The following POLK variants were observed in gnomAD, a reference collection of about 807,000 sequenced individuals.
POLK encodes DNA polymerase kappa.
A neutral mutation model predicts 94.0 loss-of-function variants in POLK; 76 were observed. The ratio of observed to expected loss-of-function variants is 0.81; its 90% CI spans 0.67 to 0.98. The LOEUF is 0.98. POLK is among the 50% of genes least tolerant of loss of function. POLK has a pLI of 0.00. For missense variants in POLK, 954 were observed against 1,010.1 expected (o/e 0.94, Z 0.75); for synonymous variants, 349 against 325.4 (o/e 1.07, Z -0.78).
At chr5:75,589,576 G>A (rs929415355) in intron 10 of POLK, among the ~76,000 whole-genome samples, 1 of 151,878 alleles carries the variant, frequency 6.6e-6, no homozygotes, top group Non-Finnish European at 1.5e-5. Context: ...TCAGCTTCCC[G>A]AGTAGCTGGG....
chr5:75,590,708 A>T (rs1053135936), intron 11 of POLK, among the ~76,000 whole-genome samples: 1 of 152,214 alleles, frequency 6.6e-6, no homozygotes, highest in African/African-American at 2.4e-5. Context: ...GTACCTCAGG[A>T]GTACATTTGA....
In POLK at chr5:75,534,672, A is replaced by G. The variant is rs549736281; in HGVS notation, c.-13-12338A>G. 5.9e-5 allele frequency among the ~76,000 whole-genome samples: 9 copies of G among 152,340 alleles called. No homozygotes were observed. In the South Asian group the frequency reaches 1.9e-3, roughly 32 times the overall value. On this transcript the variant is annotated intron_variant, in intron 1 of 14. Transcript: ENST00000241436. The stretch of plus-strand genomic sequence containing the variant: ...ATGCACTCCTATGTTGAGTGCATAT[A>G]TATTTAGAAAAGTTAGGTCCTTTTG...
At chr5:75,558,297 C>T (rs558030014) in intron 3 of POLK, among the ~76,000 whole-genome samples, 1 of 149,368 alleles carries the variant, frequency 6.7e-6, no homozygotes, top group East Asian at 2.0e-4. Context: ...ATGCCTATGT[C>T]TTCTTTTAGT....
intron 1 of POLK, among the ~76,000 whole-genome samples, chr5:75,527,731 A>G (rs1310593356): frequency 6.6e-6 from 1 of 152,146 alleles, no homozygotes; most frequent in Non-Finnish European, 1.5e-5. Context: ...TTGGAAAGAA[A>G]TAGATAACCA....
chr5:75,523,371 C>A (rs569591059), intron 1 of POLK, among the ~76,000 whole-genome samples: 1 of 152,212 alleles, frequency 6.6e-6, no homozygotes, highest in East Asian at 1.9e-4. Flanking sequence ...CATAGTAGAA[C>A]CATACTGTGT....
At chr5:75,526,792 G>T (rs1768883438) in intron 1 of POLK, among the ~76,000 whole-genome samples, 1 of 152,018 alleles carries the variant, frequency 6.6e-6, no homozygotes, top group Admixed American at 6.6e-5. Context: ...TGTTGGCCAG[G>T]CTGGTCTCGA....
At chr5:75,557,002 G>A (rs1193608410) in intron 3 of POLK, among the ~76,000 whole-genome samples, 1 of 152,142 alleles carries the variant, frequency 6.6e-6, no homozygotes, top group Non-Finnish European at 1.5e-5. Flanking sequence ...GGTGGAGGTG[G>A]CAGTGAGCTG....
At chr5:75,603,384 C>T (rs184657404), downstream of POLK, among the ~76,000 whole-genome samples, 10 of 148,968 alleles carry the variant, frequency 6.7e-5, no homozygotes, top group African/African-American at 2.5e-4. Context: ...GCATTTTTTA[C>T]AGATTAGCTA....
rs55817530 is a variant in POLK, at chr5:75,576,920, C to T, written c.681C>T (p.Ser227=). 1,402 of 1,552,372 alleles carry T rather than the reference C, an allele frequency of 9.0e-4. 10 individuals carry two copies. In the East Asian group the frequency reaches 0.02, roughly 22 times the overall value. ...GAAGGTATTTCATCAAAATGGGAAGCTCTGTAGAAAATGGTAAGCAACTTA... is the reference window on the plus strand; with the variant it reads ...GAAGGTATTTCATCAAAATGGGAAGTTCTGTAGAAAATGGTAAGCAACTTA... The change falls in exon 6 of 15, where the codon AGC becomes AGT. Residue 227 remains serine, a synonymous_variant. Coordinates refer to ENST00000241436, the Ensembl canonical transcript of POLK.
chr5:75,586,692 G>A (rs1454974212), intron 9 of POLK, among the ~76,000 whole-genome samples: 11 of 152,084 alleles, frequency 7.2e-5, no homozygotes. Context: ...ATTATATTTT[G>A]TAACTGGAAG....
At chr5:75,602,582 C>G (rs1773318386), downstream of POLK, among the ~76,000 whole-genome samples, 2 of 152,132 alleles carry the variant, frequency 1.3e-5, 1 homozygote, top group South Asian at 4.1e-4. Flanking sequence ...AGAAAGATCA[C>G]TTAGAGTAAC....
At chr5:75,591,226 T>C (rs1231838732) in intron 11 of POLK, among the ~76,000 whole-genome samples, 2 of 152,180 alleles carry the variant, frequency 1.3e-5, no homozygotes, top group Non-Finnish European at 2.9e-5. Flanking sequence ...AGTACACTTA[T>C]TTGATCTTTA....
At chr5:75,560,105 C>T (rs1269990394) in intron 3 of POLK, among the ~76,000 whole-genome samples, 1 of 152,170 alleles carries the variant, frequency 6.6e-6, no homozygotes, top group Admixed American at 6.5e-5. Flanking sequence ...AACCTGGTTT[C>T]AGTGTTTAGT....
chr5:75,577,442 T>C (rs1455633736), intron 6 of POLK, among the ~76,000 whole-genome samples: 1 of 152,196 alleles, frequency 6.6e-6, no homozygotes, highest in Non-Finnish European at 1.5e-5. Context: ...GCCTTAGACT[T>C]TATAATTTCA....
At chr5:75,598,839 A>G (rs571769518) in exon 15 of POLK, 2 of 152,306 alleles carry the variant, frequency 1.3e-5, no homozygotes, top group South Asian at 2.1e-4. Flanking sequence ...TCTTAGTTAC[A>G]TTTCTATCAG....
intron 10 of POLK, among the ~76,000 whole-genome samples, chr5:75,588,389 T>C (rs73122736): frequency 0.012 from 1,867 of 152,248 alleles, 37 homozygotes; most frequent in African/African-American, 0.043. Flanking sequence ...TGAACAAAGT[T>C]CTAAATAATT....
At chr5:75,529,264 AAG>A (rs1456849467) in intron 1 of POLK, among the ~76,000 whole-genome samples, 1 of 152,026 alleles carries the variant, frequency 6.6e-6, no homozygotes, top group African/African-American at 2.4e-5. Context: ...GCAGGAGCAA[AAG>A]AGAGAGGGGG....
At chr5:75,558,072 A>T (rs1332104172) in intron 3 of POLK, among the ~76,000 whole-genome samples, 2 of 152,204 alleles carry the variant, frequency 1.3e-5, no homozygotes, top group Admixed American at 6.5e-5. Flanking sequence ...TACAGATGTG[A>T]GCCAACATGT....
At chr5:75,533,737 C>T (rs1461717743) in intron 1 of POLK, among the ~76,000 whole-genome samples, 1 of 152,090 alleles carries the variant, frequency 6.6e-6, no homozygotes, top group Non-Finnish European at 1.5e-5. Flanking sequence ...AATATTTTTC[C>T]ATTTGTTTGT....
Sources: gnomAD v4.1 joint callset for allele counts (sites outside exome capture counted in the v4.1 genomes callset) on GRCh38, gnomAD v4.1.1 for gene constraint, MANE v1.5 for transcripts, NCBI Gene and HGNC (gene_info 2026-07-23, HGNC 2026-07-21) for gene names.